Variants in GRM7 observed in about 807,000 individuals in gnomAD.
GRM7 encodes glutamate metabotropic receptor 7, also known as metabotropic glutamate receptor 7.
In GRM7, 35 loss-of-function variants were observed where a neutral mutation model predicts 84.5. The ratio of observed to expected loss-of-function variants is 0.41; its 90% confidence interval spans 0.32 to 0.55. The LOEUF (loss-of-function observed/expected upper bound fraction) is 0.55, where lower values mean the gene tolerates loss of function less well. Ranked by LOEUF, GRM7 falls within the 20% of genes least tolerant of loss-of-function variation. The probability of loss-of-function intolerance (pLI) is 0.19; values close to 1 mark genes in which losing one functional copy is unlikely to be tolerated. For synonymous variants in GRM7, 487 were observed against 455.1 expected (o/e 1.07, Z -0.89); for missense variants, 1,003 against 1,194.6 (o/e 0.84, Z 2.36).
At chr3:7,561,571 A>G (rs1414854462) in intron 7 of GRM7, 3 of 456,456 alleles carry the variant, frequency 6.6e-6, no homozygotes, top group Non-Finnish European at 1.3e-5. Context: ...TACCCTTAGT[A>G]GTGTAAGCAT....
At chr3:7,374,795 T>C (rs1187557728) in intron 4 of GRM7, among the ~76,000 whole-genome samples, 1 of 151,988 alleles carries the variant, frequency 6.6e-6, no homozygotes, top group African/African-American at 2.4e-5. Flanking sequence ...CCAGCCGGTA[T>C]GAGCTATTTT....
chr3:7,567,867 G>A (rs1384662994), intron 7 of GRM7, among the ~76,000 whole-genome samples: 1 of 149,854 alleles, frequency 6.7e-6, no homozygotes, highest in African/African-American at 2.5e-5. Context: ...GAGGGAGGGG[G>A]CATTCTTGGA....
intron 1 of GRM7, chr3:6,893,100 C>G (rs1696034041): frequency 6.6e-6 from 1 of 152,018 alleles, no homozygotes; most frequent in Non-Finnish European, 1.5e-5. Context: ...TCCACTATGA[C>G]CTAATGAAGT....
chr3:7,004,486 A>G (rs1695116230), intron 1 of GRM7, among the ~76,000 whole-genome samples: 1 of 152,210 alleles, frequency 6.6e-6, no homozygotes, highest in Non-Finnish European at 1.5e-5. Flanking sequence ...TGAACTTCCC[A>G]TTGAGAAGGA....
At position 7,235,830 on chromosome 3, in the gene GRM7, C is replaced by T. The variant is rs143458717; in HGVS notation, c.737-62854C>T. ...TCACTTGTGAGAGAAATAAAACAAG[C>T]TTTGAAAAAAATGTTTGGCTAAATG... On this transcript the variant is annotated intron_variant, in intron 2 of 9. Coordinates refer to ENST00000357716, the MANE Select transcript of GRM7 (RefSeq NM_000844.4). Among the ~76,000 whole-genome samples the T allele has an allele frequency of 3.1e-3, 466 of 152,130 alleles. 3 individuals carry two copies. Among genetic ancestry groups the T allele is most frequent in the African/African-American group, 0.011 (442 of 41,516 alleles).
chr3:7,379,134 G>A (rs868629764), intron 4 of GRM7, among the ~76,000 whole-genome samples: 2 of 152,070 alleles, frequency 1.3e-5, no homozygotes, highest in Non-Finnish European at 2.9e-5. Context: ...GTGCAGTGGC[G>A]TGATGTTGGC....
chr3:7,136,235 A>G (rs2125058092), intron 1 of GRM7, among the ~76,000 whole-genome samples: 1 of 151,888 alleles, frequency 6.6e-6, no homozygotes, highest in Non-Finnish European at 1.5e-5. Flanking sequence ...ATCAAGTAAA[A>G]TGAGGACCCA....
chr3:6,956,555 C>T (rs946627682), intron 1 of GRM7: 1 of 456,496 alleles, frequency 2.2e-6, no homozygotes, highest in Admixed American at 2.4e-5. Context: ...ACTCTCTCTT[C>T]TGTTCTCCTA....
chr3:7,730,459 C>T (rs1702287079), intron 9 of GRM7, among the ~76,000 whole-genome samples: 1 of 152,180 alleles, frequency 6.6e-6, no homozygotes, highest in Non-Finnish European at 1.5e-5. Context: ...TCAACAGATA[C>T]ATGTTGAATT....
chr3:7,024,195 C>A (rs144349218), intron 1 of GRM7, among the ~76,000 whole-genome samples: 1 of 152,226 alleles, frequency 6.6e-6, no homozygotes, highest in Non-Finnish European at 1.5e-5. Context: ...TACAACAGAC[C>A]TATTTAACTC....
At chr3:7,678,650 C>A (rs1404504242) in intron 8 of GRM7, among the ~76,000 whole-genome samples, 3 of 152,162 alleles carry the variant, frequency 2.0e-5, no homozygotes, top group Non-Finnish European at 4.4e-5. Flanking sequence ...ATGTTACATT[C>A]ATTATGTATT....
chr3:7,385,094 A>T (rs1456853955), intron 4 of GRM7, among the ~76,000 whole-genome samples: 1 of 152,142 alleles, frequency 6.6e-6, no homozygotes, highest in Admixed American at 6.5e-5. Context: ...GCCTCCTTTT[A>T]AAATGTGCGA....
At chr3:6,933,997 A>C (rs1697599586) in intron 1 of GRM7, among the ~76,000 whole-genome samples, 1 of 152,186 alleles carries the variant, frequency 6.6e-6, no homozygotes, top group Admixed American at 6.5e-5. Flanking sequence ...TAAGTGAGGG[A>C]AAGTAAGGAG....
At chr3:7,509,149 A>G (rs996262015) in intron 7 of GRM7, among the ~76,000 whole-genome samples, 8 of 152,108 alleles carry the variant, frequency 5.3e-5, no homozygotes, top group Non-Finnish European at 1.2e-4. Context: ...CTTAGTAACG[A>G]TCTCAGTTAT....
chr3:7,164,521 A>T (rs919845861), intron 2 of GRM7, among the ~76,000 whole-genome samples: 9 of 152,212 alleles, frequency 5.9e-5, no homozygotes, highest in African/African-American at 9.6e-5. Context: ...CCCACATGAC[A>T]TCCCCACTAT....
intron 2 of GRM7, among the ~76,000 whole-genome samples, chr3:7,158,425 C>T (rs532372847): frequency 2.0e-5 from 3 of 152,214 alleles, no homozygotes; most frequent in East Asian, 3.9e-4. Flanking sequence ...TAGAACATCC[C>T]CTCTGAAGCT....
chr3:7,319,612 CAA>C (rs1700701409), intron 4 of GRM7, among the ~76,000 whole-genome samples: 1 of 151,952 alleles, frequency 6.6e-6, no homozygotes, highest in Non-Finnish European at 1.5e-5. Context: ...TACAGTATGG[CAA>C]AAGAGTCTAG....
intron 9 of GRM7, chr3:7,693,495 G>A (rs1310122449): frequency 1.5e-6 from 1 of 666,070 alleles, no homozygotes; most frequent in Non-Finnish European, 2.7e-6. Context: ...GGGTTAGTAT[G>A]AAAAATGCTA....
intron 2 of GRM7, among the ~76,000 whole-genome samples, chr3:7,173,726 A>G (rs1483035067): frequency 1.3e-5 from 2 of 151,876 alleles, no homozygotes; most frequent in Non-Finnish European, 2.9e-5. Context: ...CCCCACATTC[A>G]TTTACTCAGT....
Sources: allele counts gnomAD v4.1 joint callset (sites outside exome capture counted in the v4.1 genomes callset), GRCh38; gene constraint gnomAD v4.1.1; transcripts MANE v1.5; gene names NCBI Gene and HGNC (gene_info 2026-07-23, HGNC 2026-07-21).